The following PDK1 variants were observed in gnomAD, a reference collection of about 807,000 sequenced individuals.
PDK1 encodes [Pyruvate dehydrogenase (acetyl-transferring)] kinase isozyme 1, mitochondrial.
A neutral mutation model predicts 54.2 loss-of-function variants in PDK1; 39 were observed. That is an observed-to-expected ratio of 0.72 (90% CI 0.56 to 0.94). The LOEUF (loss-of-function observed/expected upper bound fraction) is 0.94. Among genes scored for constraint, PDK1 ranks in the 40% least tolerant of loss-of-function variants. The pLI is 0.00. For missense variants in PDK1, 552 were observed against 566.0 expected, an observed-to-expected ratio of 0.98 and a Z score of 0.25; for synonymous variants, 221 against 207.1, an observed-to-expected ratio of 1.07 and a Z score of -0.58.
the PDK1 span, among the ~76,000 whole-genome samples, chr2:172,648,227 C>T: frequency 6.6e-6 from 1 of 151,848 alleles, no homozygotes; most frequent in Non-Finnish European, 1.5e-5. Flanking sequence ...TGTTAATTTC[C>T]AGGTTTTACT....
the PDK1 span, among the ~76,000 whole-genome samples, chr2:172,621,544 TTA>T: frequency 1.0e-4 from 15 of 146,884 alleles, no homozygotes; most frequent in Admixed American, 2.7e-4. Context: ...TATATATATA[TTA>T]TATATATATG....
rs1366524910 is a variant in PDK1, at chr2:172,601,577, T to C, written c.*5608T>C. 2 of 152,240 alleles carry C rather than the reference T, an allele frequency of 1.3e-5. No homozygotes were observed. The highest frequency in any genetic ancestry group is 4.8e-5 in the African/African-American group (2 of 41,452). The allele number at this position is 152,240 out of a possible 1,614,324, so 9.4% of individuals were successfully genotyped here. On this transcript the variant is annotated 3_prime_UTR_variant, in exon 11 of 11. Coordinates refer to ENST00000282077, the MANE Select transcript of PDK1 (RefSeq NM_002610.5). ...TGTGAAGAGGTGCCTTCCACCATGA[T>C]TGTGAGTTTCTGGAGGCTTCTGCAG...
the PDK1 span, among the ~76,000 whole-genome samples, chr2:172,620,786 C>T: frequency 6.6e-6 from 1 of 152,302 alleles, no homozygotes; most frequent in South Asian, 2.1e-4. Flanking sequence ...CCTGCTCTCC[C>T]TTTGCCTTCC....
intron 1 of PDK1, 75 bp downstream of exon 1, chr2:172,556,421 G>T: frequency 8.7e-7 from 1 of 1,146,676 alleles, no homozygotes. Context: ...CCCAGGCCGG[G>T]TCGGCGCCGG....
At chr2:172,566,972 T>G (rs1688989213) in intron 6 of PDK1, 39 bp downstream of exon 6, 1 of 1,281,396 alleles carries the variant, frequency 7.8e-7, no homozygotes, top group African/African-American at 1.5e-5. Flanking sequence ...AATTAGTGCT[T>G]TGATTACTTG....
the PDK1 span, among the ~76,000 whole-genome samples, chr2:172,685,847 C>G: frequency 0.18 from 26,806 of 152,188 alleles, 2,712 homozygotes; most frequent in African/African-American, 0.27. Flanking sequence ...TGGCTATTTT[C>G]AGCATCGTAT....
At chr2:172,693,133 C>G in the PDK1 span, among the ~76,000 whole-genome samples, 4 of 152,246 alleles carry the variant, frequency 2.6e-5, no homozygotes, top group Non-Finnish European at 1.5e-5. Context: ...AAGTTCTGCT[C>G]TCACCTCCTG....
the PDK1 span, among the ~76,000 whole-genome samples, chr2:172,695,314 G>A: frequency 3.5e-4 from 53 of 152,128 alleles, no homozygotes; most frequent in Admixed American, 2.5e-3. Flanking sequence ...GGAGGGAAGA[G>A]AGCGAGACAG....
chr2:172,692,446 A>G, the PDK1 span, among the ~76,000 whole-genome samples: 1 of 152,228 alleles, frequency 6.6e-6, no homozygotes, highest in Non-Finnish European at 1.5e-5. Context: ...GTCTGCAAGA[A>G]TCACACTCCT....
rs1690684244 is a variant in PDK1, at chr2:172,592,937, T to C, written c.1059T>C (p.Ala353=). ...RVETSRAVPL[A]GFGYGLPISR... Reference sequence around the variant, plus strand: ...ATTTTGTTTTTCTCATCAAACAGGCTGGTTTTGGTTATGGATTGCCCATAT... The same window carrying C: ...ATTTTGTTTTTCTCATCAAACAGGCCGGTTTTGGTTATGGATTGCCCATAT... The change falls in exon 10 of 11, where the codon GCT becomes GCC. Residue 353 remains alanine (A), a splice_region_variant and synonymous_variant. Coordinates refer to ENST00000282077, the MANE Select transcript of PDK1 (RefSeq NM_002610.5). The C allele has an allele frequency of 1.3e-6, 2 of 1,590,948 alleles. No individual in the cohort carries two copies. Among genetic ancestry groups the C allele is most frequent in the African/African-American group, 1.3e-5 (1 of 74,526 alleles).
At chr2:172,567,431 G>T (rs1248343925) in intron 6 of PDK1, among the ~76,000 whole-genome samples, 1 of 152,212 alleles carries the variant, frequency 6.6e-6, no homozygotes, top group Non-Finnish European at 1.5e-5. Context: ...AAAGGGTTTA[G>T]ATGCCTTGAA....
chr2:172,650,856 A>G, the PDK1 span, among the ~76,000 whole-genome samples: 1 of 152,188 alleles, frequency 6.6e-6, no homozygotes, highest in Non-Finnish European at 1.5e-5. Context: ...CTACAAAGAG[A>G]CTTAGACTCC....
the PDK1 span, among the ~76,000 whole-genome samples, chr2:172,656,506 G>A: frequency 6.6e-6 from 1 of 152,132 alleles, no homozygotes; most frequent in Non-Finnish European, 1.5e-5. Context: ...TCTTCCCCAG[G>A]TTGATTAGGC....
At chr2:172,569,057 G>A (rs567564090) in intron 7 of PDK1, among the ~76,000 whole-genome samples, 1 of 152,258 alleles carries the variant, frequency 6.6e-6, no homozygotes, top group East Asian at 1.9e-4. Flanking sequence ...CTCTTAATAT[G>A]TGTGTGACCT....
chr2:172,683,000 C>G, the PDK1 span, among the ~76,000 whole-genome samples: 2 of 152,046 alleles, frequency 1.3e-5, no homozygotes, highest in South Asian at 4.1e-4. Context: ...GGTGATGGAA[C>G]AGGCTTGAAA....
At chr2:172,570,673 A>G (rs1373175177) in intron 7 of PDK1, 53 bp from the exon 8 acceptor site, 2 of 1,056,580 alleles carry the variant, frequency 1.9e-6, no homozygotes, top group East Asian at 4.8e-5. Flanking sequence ...TGAAAATTAC[A>G]CTTTCTCTTT....
chr2:172,646,004 C>CT, the PDK1 span, among the ~76,000 whole-genome samples: 2 of 152,174 alleles, frequency 1.3e-5, no homozygotes, highest in Admixed American at 6.5e-5. Flanking sequence ...ATTTTCTTCT[C>CT]TTTATAAACA....
At chr2:172,612,288 C>CT (rs1257011504), downstream of PDK1, among the ~76,000 whole-genome samples, 2 of 152,242 alleles carry the variant, frequency 1.3e-5, no homozygotes, top group African/African-American at 4.8e-5. Flanking sequence ...AGCTGAAACT[C>CT]TTAAGAGCAA....
At chr2:172,641,232 T>A in the PDK1 span, among the ~76,000 whole-genome samples, 1 of 151,822 alleles carries the variant, frequency 6.6e-6, no homozygotes, top group South Asian at 2.1e-4. Context: ...GCTCAAGCAA[T>A]CCTCTCACCT....
Sources: gnomAD v4.1 joint callset for allele counts (sites outside exome capture counted in the v4.1 genomes callset) on GRCh38, gnomAD v4.1.1 for gene constraint, MANE v1.5 for transcripts, NCBI Gene and HGNC (gene_info 2026-07-23, HGNC 2026-07-21) for gene names.